Variants in EIPR1 observed in about 807,000 individuals in gnomAD.
The protein encoded by EIPR1 is EARP complex and GARP complex interacting protein 1.
EIPR1 carries 25 observed loss-of-function variants against 48.1 expected under a neutral mutation model. The observed-to-expected ratio is 0.52, with a 90% CI of 0.38 to 0.73. The LOEUF is 0.73. EIPR1 is among the 30% of genes least tolerant of loss of function. The pLI, the probability that EIPR1 is intolerant of heterozygous loss-of-function variation, is 0.00. For synonymous variants in EIPR1, 204 were observed against 201.9 expected (o/e 1.01, Z -0.09); for missense variants, 415 against 506.2 (o/e 0.82, Z 1.73).
chr2:3,293,157 G>A (rs2103276539), intron 3 of EIPR1, among the ~76,000 whole-genome samples: 1 of 152,334 alleles, frequency 6.6e-6, no homozygotes, highest in East Asian at 1.9e-4. Context: ...ATAGCCTGGT[G>A]GCATGGCTTG....
chr2:3,203,405 A>C (rs1665115733), intron 5 of EIPR1, among the ~76,000 whole-genome samples: 1 of 152,278 alleles, frequency 6.6e-6, no homozygotes, highest in Non-Finnish European at 1.5e-5. Flanking sequence ...TCACCAAGGC[A>C]GAGAGATAGG....
In EIPR1 at chr2:3,269,599, AATCGCACTCAATCATCACAATC is replaced by A. The variant is rs1284365017; in HGVS notation, c.260-12166_260-12145del. Among the ~76,000 whole-genome samples, 12 of 47,264 alleles carry A rather than the reference AATCGCACTCAATCATCACAATC, an allele frequency of 2.5e-4. 1 individual carries two copies. In the South Asian group the frequency reaches 0.013, roughly 52 times the overall value. 31.0% of individuals were successfully genotyped at this position (47,264 alleles called of 152,430 possible). A position where few individuals can be genotyped will look rare whatever the true frequency, so the allele number is the denominator to read the frequency against. On this transcript the variant is annotated intron_variant, in intron 3 of 8. Transcript: ENST00000382125. The stretch of plus-strand genomic sequence containing the variant: ...GTCATCGCACTCAATCATCGCACTC[AATCGCACTCAATCATCACAATC>A]ATCGCACTCAATCATCACACTCAAT...
intron 1 of EIPR1, among the ~76,000 whole-genome samples, chr2:3,369,307 C>T (rs531424059): frequency 4.9e-4 from 74 of 152,320 alleles, no homozygotes; most frequent in African/African-American, 1.3e-3. Context: ...GCGTGAGCAA[C>T]GCAGAAGACG....
intron 4 of EIPR1, among the ~76,000 whole-genome samples, chr2:3,220,813 G>A (rs1315815316): frequency 2.0e-5 from 3 of 148,580 alleles, no homozygotes; most frequent in African/African-American, 2.5e-5. Context: ...CACAATGGCC[G>A]AGGTGCACAC....
At chr2:3,359,380 A>C (rs1194847613) in intron 1 of EIPR1, among the ~76,000 whole-genome samples, 1 of 152,238 alleles carries the variant, frequency 6.6e-6, no homozygotes, top group East Asian at 1.9e-4. Context: ...TGCAGAGCCG[A>C]GAGCTGCATA....
intron 2 of EIPR1, among the ~76,000 whole-genome samples, chr2:3,340,729 G>A (rs13387258): frequency 0.011 from 1,688 of 152,206 alleles, 31 homozygotes; most frequent in African/African-American, 0.039. Context: ...CAAAGAAAAG[G>A]CAAGTGCAAG....
chr2:3,369,506 C>T (rs1462128418), intron 1 of EIPR1, among the ~76,000 whole-genome samples: 1 of 152,146 alleles, frequency 6.6e-6, no homozygotes, highest in Non-Finnish European at 1.5e-5. Context: ...ACAGACAACA[C>T]CTGGAAAATT....
In EIPR1 at chr2:3,309,024, A is replaced by G. The variant is rs1181295595; in HGVS notation, c.259+28993T>C. 2.0e-5 allele frequency among the ~76,000 whole-genome samples: 3 copies of G among 152,254 alleles called. No homozygotes were observed. The East Asian group carries it at 5.8e-4, about 29-fold the overall frequency. On this transcript the variant is annotated intron_variant, in intron 3 of 8. Coordinates refer to ENST00000382125, the MANE Select transcript of EIPR1 (RefSeq NM_003310.5). ...TCAAACGGAAAGAAATTATAATGAA[A>G]AAAGGCTTAGAACTTCTGAAAGAAA...
intron 3 of EIPR1, among the ~76,000 whole-genome samples, chr2:3,306,429 G>A (rs973247114): frequency 3.3e-5 from 5 of 152,024 alleles, no homozygotes; most frequent in African/African-American, 7.2e-5. Flanking sequence ...ATGAAATTAC[G>A]GTTGGGCCAT....
At chr2:3,208,563 G>A (rs1665314772) in intron 5 of EIPR1, 1 of 1,549,696 alleles carries the variant, frequency 6.5e-7, no homozygotes, top group Non-Finnish European at 8.7e-7. Flanking sequence ...CCATTTGTTG[G>A]GAAAAGTCCT....
At chr2:3,371,335 A>G (rs1460895749) in intron 1 of EIPR1, among the ~76,000 whole-genome samples, 1 of 152,190 alleles carries the variant, frequency 6.6e-6, no homozygotes, top group African/African-American at 2.4e-5. Context: ...TCAACTAACA[A>G]GCAAAATAAC....
chr2:3,356,852 T>A (rs1454001366), intron 1 of EIPR1, among the ~76,000 whole-genome samples: 2 of 152,268 alleles, frequency 1.3e-5, no homozygotes, highest in East Asian at 1.9e-4. Flanking sequence ...AGAACTAAAC[T>A]GAAAGGAAAA....
In EIPR1 at chr2:3,376,753, T is replaced by C. The variant is rs371643217; in HGVS notation, c.42+895A>G. Among the ~76,000 whole-genome samples, 9 of 151,950 alleles carry C rather than the reference T, an allele frequency of 5.9e-5. No individual in the cohort carries two copies. In the East Asian group the frequency reaches 1.4e-3, roughly 23 times the overall value. ...TAACACATACTGCTGCACAAAATTA[T>C]GTATCAAGTATTTCATATGGCAGTG... On this transcript the variant is annotated intron_variant, in intron 1 of 8. Transcript: ENST00000382125.
intron 4 of EIPR1, among the ~76,000 whole-genome samples, chr2:3,247,338 T>C (rs1292867503): frequency 1.3e-5 from 2 of 152,130 alleles, no homozygotes; most frequent in Admixed American, 6.5e-5. Context: ...ACAGTGAAGG[T>C]GCATAACTCT....
chr2:3,339,674 C>T (rs12614298), intron 2 of EIPR1, among the ~76,000 whole-genome samples: 10,187 of 151,954 alleles, frequency 0.067, 349 homozygotes, highest in African/African-American at 0.077. Flanking sequence ...ATGGGCTGGG[C>T]GCGGTGGCTC....
At chr2:3,321,750 G>A (rs537283815) in intron 3 of EIPR1, among the ~76,000 whole-genome samples, 4 of 152,216 alleles carry the variant, frequency 2.6e-5, no homozygotes, top group South Asian at 4.1e-4. Flanking sequence ...TCCAGACCTC[G>A]AAGCTAAAAG....
At chr2:3,375,077 G>T (rs975265228) in intron 1 of EIPR1, among the ~76,000 whole-genome samples, 7 of 151,418 alleles carry the variant, frequency 4.6e-5, no homozygotes, top group Non-Finnish European at 1.0e-4. Flanking sequence ...CATGTCCTTT[G>T]TAGGGACGTG....
At chr2:3,308,723 T>C (rs1669029450) in intron 3 of EIPR1, among the ~76,000 whole-genome samples, 1 of 152,194 alleles carries the variant, frequency 6.6e-6, no homozygotes, top group Non-Finnish European at 1.5e-5. Context: ...CGATTAGACT[T>C]CTGAAAACTA....
chr2:3,212,417 G>A (rs1665487296), intron 5 of EIPR1, among the ~76,000 whole-genome samples: 1 of 152,134 alleles, frequency 6.6e-6, no homozygotes, highest in Admixed American at 6.5e-5. Flanking sequence ...ACCAGGAGCT[G>A]GGCCCTCTGC....
Sources: allele counts gnomAD v4.1 joint callset (sites outside exome capture counted in the v4.1 genomes callset), GRCh38; gene constraint gnomAD v4.1.1; transcripts MANE v1.5; gene names NCBI Gene and HGNC (gene_info 2026-07-23, HGNC 2026-07-21).